Variants in PPM1E observed in about 807,000 individuals in gnomAD.
PPM1E encodes protein phosphatase, Mg2+/Mn2+ dependent 1E, also known as protein phosphatase 1E.
In PPM1E, 20 loss-of-function variants were observed where a neutral mutation model predicts 65.9. The observed-to-expected ratio is 0.30, with a 90% CI of 0.21 to 0.44. PPM1E has a LOEUF of 0.44. Among genes scored for constraint, PPM1E ranks in the 20% least tolerant of loss-of-function variants. The probability of loss-of-function intolerance (pLI) is 1.00; values close to 1 mark genes in which losing one functional copy is unlikely to be tolerated. For synonymous variants in PPM1E, 352 were observed against 374.9 expected (o/e 0.94, Z 0.70); for missense variants, 713 against 953.1 (o/e 0.75, Z 3.32).
At chr17:58,950,826 T>C (rs1251823559) in intron 1 of PPM1E, among the ~76,000 whole-genome samples, 1 of 149,272 alleles carries the variant, frequency 6.7e-6, no homozygotes, top group African/African-American at 2.5e-5. Flanking sequence ...TCACCCAGGC[T>C]GGAGTGCAGC....
chr17:58,981,316 A>AC lies in PPM1E; in HGVS notation c.*290dup, dbSNP rs1169415535. On this transcript the variant is annotated 3_prime_UTR_variant, in exon 7 of 7. Transcript: ENST00000308249. ...CATCCTTCATGTCACTAGATACACAACCCCCTTCCCACCATCCCTTCAGTC... is the reference window on the plus strand; with the variant it reads ...CATCCTTCATGTCACTAGATACACAACCCCCCTTCCCACCATCCCTTCAGTC... 9.3e-6 allele frequency: 3 copies of AC among 321,642 alleles called. No individual in the cohort carries two copies. The highest frequency in any genetic ancestry group is 1.7e-5 in the Non-Finnish European group (3 of 176,812). The allele number at this position is 321,642 out of a possible 1,614,324, so 19.9% of individuals were successfully genotyped here.
intron 3 of PPM1E, 63 bp from the exon 4 acceptor site, chr17:58,969,476 G>A (rs2030458812): frequency 6.7e-7 from 1 of 1,491,264 alleles, no homozygotes; most frequent in African/African-American, 1.4e-5. Context: ...GATGCCAGGA[G>A]ATTGGTTCAT....
chr17:58,910,323 T>C (rs2051612510), intron 1 of PPM1E, among the ~76,000 whole-genome samples: 1 of 152,216 alleles, frequency 6.6e-6, no homozygotes, highest in African/African-American at 2.4e-5. Context: ...TTACAGTGTT[T>C]TTTATCTCTA....
chr17:58,880,701 G>A (rs2051185387), intron 1 of PPM1E, among the ~76,000 whole-genome samples: 1 of 152,046 alleles, frequency 6.6e-6, no homozygotes, highest in Non-Finnish European at 1.5e-5. Flanking sequence ...TCGGCTCACT[G>A]CAGCCTCGAC....
intron 1 of PPM1E, among the ~76,000 whole-genome samples, chr17:58,826,113 A>G (rs1156510484): frequency 1.3e-5 from 2 of 150,444 alleles, no homozygotes. Context: ...ACATGGTGAA[A>G]CCCCGTCTCT....
intron 1 of PPM1E, among the ~76,000 whole-genome samples, chr17:58,845,543 C>T (rs1427384820): frequency 1.3e-5 from 2 of 152,114 alleles, no homozygotes; most frequent in African/African-American, 4.8e-5. Flanking sequence ...TGCTTTTTGA[C>T]TATGATTTGG....
At chr17:58,824,077 A>G (rs1352867645) in intron 1 of PPM1E, among the ~76,000 whole-genome samples, 1 of 152,120 alleles carries the variant, frequency 6.6e-6, no homozygotes, top group Non-Finnish European at 1.5e-5. Context: ...CCCCAAATAT[A>G]TGGATGTGTA....
At chr17:58,798,373 C>A (rs2050226791) in intron 1 of PPM1E, among the ~76,000 whole-genome samples, 1 of 151,414 alleles carries the variant, frequency 6.6e-6, no homozygotes. Context: ...GGATTACAGG[C>A]AGGCGCCACC....
At chr17:58,878,006 AAAAAG>A (rs1158198773) in intron 1 of PPM1E, among the ~76,000 whole-genome samples, 1 of 152,134 alleles carries the variant, frequency 6.6e-6, no homozygotes, top group African/African-American at 2.4e-5. Context: ...GGTTCTGTTT[AAAAAG>A]AAAAAAGTGA....
intron 1 of PPM1E, among the ~76,000 whole-genome samples, chr17:58,935,386 C>T (rs900983535): frequency 3.3e-5 from 5 of 151,964 alleles, no homozygotes; most frequent in African/African-American, 1.2e-4. Context: ...AAGACAGAAC[C>T]CTGGGAGTAT....
chr17:58,807,073 A>G (rs1043359042), intron 1 of PPM1E, among the ~76,000 whole-genome samples: 7 of 152,136 alleles, frequency 4.6e-5, no homozygotes, highest in African/African-American at 1.7e-4. Flanking sequence ...AGGTCTTCAA[A>G]TCTTACAGTG....
At chr17:58,913,003 C>T (rs2051645267) in intron 1 of PPM1E, among the ~76,000 whole-genome samples, 1 of 152,066 alleles carries the variant, frequency 6.6e-6, no homozygotes, top group South Asian at 2.1e-4. Flanking sequence ...CTAAGTGTCT[C>T]TTCATCTGGC....
intron 6 of PPM1E, among the ~76,000 whole-genome samples, chr17:58,976,928 G>C (rs1346324127): frequency 6.6e-6 from 1 of 152,168 alleles, no homozygotes; most frequent in Non-Finnish European, 1.5e-5. Flanking sequence ...TAGTCAGGTA[G>C]AATAGGGGAT....
intron 1 of PPM1E, among the ~76,000 whole-genome samples, chr17:58,839,261 A>AGAGTTCAAGTCCAGCTTGGGACTT (rs930876674): frequency 6.6e-6 from 1 of 152,140 alleles, no homozygotes; most frequent in Non-Finnish European, 1.5e-5. Context: ...CTGGAGGCCA[A>AGAGTTCAAGTCCAGCTTGGGACTT]GAGTTCAAGT....
chr17:58,841,094 C>A (rs995496175), intron 1 of PPM1E, among the ~76,000 whole-genome samples: 3 of 152,144 alleles, frequency 2.0e-5, no homozygotes, highest in Non-Finnish European at 4.4e-5. Flanking sequence ...GGGGCACCCC[C>A]CTTGTTGTTG....
chr17:58,818,216 C>T (rs1200917177), intron 1 of PPM1E, among the ~76,000 whole-genome samples: 1 of 152,122 alleles, frequency 6.6e-6, no homozygotes, highest in Non-Finnish European at 1.5e-5. Context: ...ATTAATTTAA[C>T]CTCACAGCAA....
At position 58,827,956 on chromosome 17, in the gene PPM1E, C is replaced by T. The variant is rs903288758; in HGVS notation, c.464+71495C>T. Among the ~76,000 whole-genome samples the T allele has an allele frequency of 1.6e-4, 23 of 146,568 alleles. No homozygotes were observed. In the East Asian group the frequency reaches 3.9e-3, roughly 25 times the overall value. On this transcript the variant is annotated intron_variant, in intron 1 of 6. Transcript: ENST00000308249. ...ATAATTGGCCAGGCAAGGTGGCTCACGCCTGTAACCCCAGCACTTTGGGAG... is the reference window on the plus strand; with the variant it reads ...ATAATTGGCCAGGCAAGGTGGCTCATGCCTGTAACCCCAGCACTTTGGGAG...
chr17:58,924,401 T>C (rs986520663), intron 1 of PPM1E, among the ~76,000 whole-genome samples: 10 of 151,952 alleles, frequency 6.6e-5, no homozygotes, highest in Non-Finnish European at 1.0e-4. Context: ...AAATTAAAAA[T>C]TTAGCTGGGT....
At chr17:58,789,337 A>G (rs2050133728) in intron 1 of PPM1E, among the ~76,000 whole-genome samples, 1 of 152,046 alleles carries the variant, frequency 6.6e-6, no homozygotes, top group South Asian at 2.1e-4. Flanking sequence ...TCCCACCCCT[A>G]TTTAGTTATT....
Sources: gnomAD v4.1 joint callset for allele counts (sites outside exome capture counted in the v4.1 genomes callset) on GRCh38, gnomAD v4.1.1 for gene constraint, MANE v1.5 for transcripts, NCBI Gene and HGNC (gene_info 2026-07-23, HGNC 2026-07-21) for gene names.